HEATR5A: variants seen among roughly 807,000 people sequenced by gnomAD.
HEATR5A encodes HEAT repeat containing 5A.
In HEATR5A, 178 loss-of-function variants were observed where a neutral mutation model predicts 218.8. The observed-to-expected ratio is 0.81, with a 90% CI of 0.72 to 0.92. The LOEUF (loss-of-function observed/expected upper bound fraction) is 0.92. HEATR5A is among the 40% of genes least tolerant of loss of function. The pLI is 0.00. For missense variants in HEATR5A, 2,420 were observed against 2,418.9 expected, an observed-to-expected ratio of 1.00 and a Z score of -0.01; for synonymous variants, 864 against 871.6, an observed-to-expected ratio of 0.99 and a Z score of 0.15.
chr14:31,382,621 C>T (rs891594287), intron 10 of HEATR5A, among the ~76,000 whole-genome samples: 1 of 151,808 alleles, frequency 6.6e-6, no homozygotes, highest in African/African-American at 2.4e-5. Context: ...TAGTTCTCTT[C>T]AAAATTCTTT....
At chr14:31,315,573 T>TTAA (rs1241072253) in intron 27 of HEATR5A, among the ~76,000 whole-genome samples, 197 bp downstream of exon 27, 1 of 152,208 alleles carries the variant, frequency 6.6e-6, no homozygotes, top group Non-Finnish European at 1.5e-5. Context: ...AAGTAGGAGA[T>TTAA]AATAGACTAC....
chr14:31,294,407 C>T (rs1269269146), intron 34 of HEATR5A, among the ~76,000 whole-genome samples: 1 of 144,982 alleles, frequency 6.9e-6, no homozygotes, highest in Non-Finnish European at 1.5e-5. Flanking sequence ...AACAAAAACA[C>T]CACCAAAACC....
At chr14:31,387,067 A>AG (rs2030255167) in intron 8 of HEATR5A, 53 bp downstream of exon 8, 1 of 1,579,064 alleles carries the variant, frequency 6.3e-7, no homozygotes, top group Admixed American at 1.8e-5. Flanking sequence ...GCTTTCCCAA[A>AG]GGGACAATTC....
intron 27 of HEATR5A, among the ~76,000 whole-genome samples, chr14:31,314,410 C>G (rs8005726): frequency 6.6e-6 from 1 of 151,712 alleles, no homozygotes; most frequent in South Asian, 2.1e-4. Context: ...TATGCCACCA[C>G]GCCTGGCTAA....
chr14:31,313,412 T>C (rs1302279288), intron 27 of HEATR5A, among the ~76,000 whole-genome samples: 1 of 152,102 alleles, frequency 6.6e-6, no homozygotes, highest in African/African-American at 2.4e-5. Flanking sequence ...ATAACAAATA[T>C]CTGGTAAATA....
At position 31,400,308 on chromosome 14, in the gene HEATR5A, TG is replaced by T. The variant is rs2030823932; in HGVS notation, c.330del (p.Thr111LeufsTer35). The T allele has an allele frequency of 1.3e-6, 2 of 1,529,750 alleles. No individual in the cohort carries two copies. The highest frequency in any genetic ancestry group is 1.8e-6 in the Non-Finnish European group (2 of 1,141,720). The allele number at this position is 1,529,750 out of a possible 1,614,324, so 94.8% of individuals were successfully genotyped here. A position where few individuals can be genotyped will look rare whatever the true frequency, so the allele number is the denominator to read the frequency against. ...TTTTAATGTTTCACTTACAGCTTAGTGGGAAGATAACTTGGAGAATCATCTT... is the reference window on the plus strand; with the variant it reads ...TTTTAATGTTTCACTTACAGCTTAGTGGAAGATAACTTGGAGAATCATCTT... Reference protein sequence around the residue: ...RSKDDSPSYLPTKLAAVVCLG... With the variant: ...RSKDDSPSYLXTKLAAVVCLG... On this transcript the variant is annotated frameshift_variant, in exon 3 of 36. Coordinates refer to ENST00000543095, the MANE Select transcript of HEATR5A (RefSeq NM_015473.4). LOFTEE classifies it high-confidence loss of function.
intron 31 of HEATR5A, 49 bp from the exon 32 acceptor site, chr14:31,305,226 T>A (rs1361498474): frequency 6.4e-7 from 1 of 1,562,734 alleles, no homozygotes. Flanking sequence ...CTGCTTCTGG[T>A]AGATGGCAAT....
At chr14:31,323,437 C>T (rs2139169021) in intron 24 of HEATR5A, 128 bp downstream of exon 24, 2 of 627,994 alleles carry the variant, frequency 3.2e-6, no homozygotes, top group South Asian at 5.7e-5. Context: ...GTTAGGATTA[C>T]AGGTATGAGC....
In HEATR5A at chr14:31,358,821, GAAA is replaced by G; in HGVS notation, c.2236-12_2236-10del. On this transcript the variant is annotated splice_polypyrimidine_tract_variant and intron_variant, in intron 15 of 35. Coordinates refer to ENST00000543095, the MANE Select transcript of HEATR5A (RefSeq NM_015473.4). The stretch of plus-strand genomic sequence containing the variant: ...CCATTACCAAGCAGGAGCTAAAAGG[GAAA>G]AAAAGTATATAAGGTTTTAAAATCA... 4 of 1,605,726 alleles carry G rather than the reference GAAA, an allele frequency of 2.5e-6. No homozygotes were observed. Among genetic ancestry groups the G allele is most frequent in the Non-Finnish European group, 3.4e-6 (4 of 1,177,640 alleles).
chr14:31,385,845 A>G (rs1194137346), intron 9 of HEATR5A, among the ~76,000 whole-genome samples: 2 of 152,056 alleles, frequency 1.3e-5, no homozygotes, highest in African/African-American at 4.8e-5. Flanking sequence ...CTCGTGCCTC[A>G]GCCTCCCGAG....
Position 31,389,023 on chromosome 14 carries a change from A to G in HEATR5A, c.773-18T>C. ...TGAGGCTGCTATGACAAAGAACAAA[A>G]CTGTGATTCATATTTTACAGACTAA... is the stretch of plus-strand genomic sequence containing the variant. On this transcript the variant is annotated intron_variant, in intron 6 of 35. Transcript: ENST00000543095. The G allele has an allele frequency of 6.3e-7, 1 of 1,577,386 alleles. No homozygotes were observed. The highest frequency in any genetic ancestry group is 2.3e-5 in the East Asian group (1 of 43,988).
chr14:31,412,736 G>T (rs1287587313), intron 1 of HEATR5A, among the ~76,000 whole-genome samples: 1 of 152,028 alleles, frequency 6.6e-6, no homozygotes, highest in Non-Finnish European at 1.5e-5. Context: ...AGCTGGGCGT[G>T]GTGGCAGGCG....
intron 13 of HEATR5A, among the ~76,000 whole-genome samples, chr14:31,369,608 CAAAAA>C (rs71430951): frequency 4.7e-4 from 21 of 45,160 alleles, no homozygotes; most frequent in African/African-American, 4.7e-4. Context: ...AAAACTGTCT[CAAAAA>C]AAAAAAAAAA....
At chr14:31,322,635 T>C (rs1056136489) in intron 24 of HEATR5A, among the ~76,000 whole-genome samples, 1 of 151,698 alleles carries the variant, frequency 6.6e-6, no homozygotes, top group Admixed American at 6.6e-5. Flanking sequence ...CTGGGCAACA[T>C]AATAAGATCT....
rs563797748 is a variant in HEATR5A at position 31,341,447 on chromosome 14, G to A, written c.3228+2449C>T. 7.2e-5 allele frequency among the ~76,000 whole-genome samples: 11 copies of A among 152,162 alleles called. No homozygotes were observed. The East Asian group carries it at 2.1e-3, about 29-fold the overall frequency. ...CTTGCTCCATTGCCCAGGGTGGAGT[G>A]CAGTGGCGCAATCATGGCTCACTGT... On this transcript the variant is annotated intron_variant, in intron 21 of 35. Transcript: ENST00000543095.
chr14:31,347,200 T>C (rs1901051351), intron 19 of HEATR5A, among the ~76,000 whole-genome samples: 1 of 152,168 alleles, frequency 6.6e-6, no homozygotes, highest in African/African-American at 2.4e-5. Flanking sequence ...GATGCTGTTA[T>C]TATTATTTAT....
intron 12 of HEATR5A, 124 bp downstream of exon 12, chr14:31,374,690 CAA>C: frequency 1.2e-6 from 1 of 823,166 alleles, no homozygotes; most frequent in Non-Finnish European, 1.8e-6. Flanking sequence ...TGTTCAGTTA[CAA>C]AAAAAAATCA....
intron 6 of HEATR5A, 122 bp downstream of exon 6, chr14:31,393,930 G>A (rs2030550528): frequency 4.3e-6 from 3 of 704,692 alleles, no homozygotes; most frequent in Admixed American, 3.3e-5. Context: ...TTACAGGTGT[G>A]AGCCACCATG....
At chr14:31,372,751 C>T (rs923259538) in intron 12 of HEATR5A, among the ~76,000 whole-genome samples, 3 of 152,138 alleles carry the variant, frequency 2.0e-5, no homozygotes, top group African/African-American at 4.8e-5. Context: ...CACTTGAACC[C>T]GGAAGGCAGA....
Sources: gnomAD v4.1 joint callset for allele counts (sites outside exome capture counted in the v4.1 genomes callset) on GRCh38, gnomAD v4.1.1 for gene constraint, MANE v1.5 for transcripts, NCBI Gene and HGNC (gene_info 2026-07-23, HGNC 2026-07-21) for gene names.